PARP6: variants seen among roughly 807,000 people sequenced by gnomAD.
The protein encoded by PARP6 is protein mono-ADP-ribosyltransferase PARP6.
In PARP6, 27 loss-of-function variants were observed where a neutral mutation model predicts 92.0. The ratio of observed to expected loss-of-function variants is 0.29; its 90% CI spans 0.22 to 0.40. The LOEUF (loss-of-function observed/expected upper bound fraction) is 0.40. Ranked by LOEUF, PARP6 falls within the 10% of genes least tolerant of loss-of-function variation. The pLI is 1.00. For missense variants in PARP6, 501 were observed against 784.5 expected, an observed-to-expected ratio of 0.64 and a Z score of 4.32; for synonymous variants, 272 against 281.2, an observed-to-expected ratio of 0.97 and a Z score of 0.33.
chr15:72,261,834 T>C, intron 8 of PARP6, 127 bp from the exon 9 acceptor site: 1 of 853,468 alleles, frequency 1.2e-6, no homozygotes, highest in Non-Finnish European at 1.9e-6. Flanking sequence ...GGGGAATGTG[T>C]ATCTGAAGAC....
intron 18 of PARP6, chr15:72,250,422 C>T (rs1300236445): frequency 3.1e-6 from 1 of 325,610 alleles, no homozygotes; most frequent in Admixed American, 4.3e-5. Context: ...AAATTTATCA[C>T]TGACCCCAAA....
intron 8 of PARP6, among the ~76,000 whole-genome samples, chr15:72,262,736 GC>G (rs2086068094): frequency 6.6e-6 from 1 of 152,046 alleles, no homozygotes; most frequent in African/African-American, 2.4e-5. Context: ...CTGGCATCTG[GC>G]CCTCCTTGCA....
chr15:72,242,859 A>G lies in PARP6; in HGVS notation c.1562-160T>C. 1 of 597,594 alleles carries G rather than the reference A, an allele frequency of 1.7e-6. No individual in the cohort carries two copies. The highest frequency in any genetic ancestry group is 3.0e-6 in the Non-Finnish European group (1 of 335,834). The allele number at this position is 597,594 out of a possible 1,614,324, so 37.0% of individuals were successfully genotyped here. ...AGTCTGCTGGAAATTACAAGCAAGA[A>G]CAAGTAATTAACAACACAGCATGGT... On this transcript the variant is annotated intron_variant, in intron 20 of 23. Transcript: ENST00000569795. This position sits in a 1 kb window ranked among gnomAD's most constrained non-coding sequence, Gnocchi z 4.3.
At position 72,261,644 on chromosome 15, in the gene PARP6, C is replaced by T. The variant is rs1359502958; in HGVS notation, c.459G>A (p.Gln153=). ...TGAACCAACTGTGCCTCTTCTCCTG[C>T]TGGGTCTTCAAGAAATCATTGCTCA... The part of the protein sequence containing the change: ...KHLSNDFLKT[Q]QEKRHSWFKA... The change falls in exon 9 of 24, where the codon CAG becomes CAA. Residue 153 remains glutamine (Q), a synonymous_variant. Coordinates refer to ENST00000569795, the MANE Select transcript of PARP6 (RefSeq NM_001323532.2). 1 of 1,613,982 alleles carries T rather than the reference C, an allele frequency of 6.2e-7. No individual in the cohort carries two copies. The highest frequency in any genetic ancestry group is 1.7e-5 in the Admixed American group (1 of 60,024).
chr15:72,261,453 AG>A (rs2141045352), intron 9 of PARP6, 104 bp downstream of exon 9: 2 of 1,010,418 alleles, frequency 2.0e-6, no homozygotes, highest in Non-Finnish European at 3.0e-6. Flanking sequence ...TTAAAGAGAC[AG>A]AATTCAGGGA....
intron 8 of PARP6, among the ~76,000 whole-genome samples, chr15:72,263,598 G>A (rs2086178807): frequency 6.6e-6 from 1 of 152,000 alleles, no homozygotes. Context: ...CCCCCAGCTT[G>A]TATTTTACCA....
chr15:72,259,594 T>G lies in PARP6; in HGVS notation c.810+14A>C. Reference sequence around the variant, plus strand: ...CAGGGAAGGGCTTCGGAGTGACAATTTTGACTTGATTACCTGAACGAGGAA... The same window carrying G: ...CAGGGAAGGGCTTCGGAGTGACAATGTTGACTTGATTACCTGAACGAGGAA... On this transcript the variant is annotated intron_variant, in intron 11 of 23. Transcript: ENST00000569795. 6.2e-7 allele frequency: 1 copy of G among 1,613,426 alleles called. No homozygotes were observed. Among genetic ancestry groups the G allele is most frequent in the Non-Finnish European group, 8.5e-7 (1 of 1,179,450 alleles).
chr15:72,258,047 G>C lies in PARP6; in HGVS notation c.896C>G (p.Ser299Cys). ...CDEQHVFQNG[S>C]MLKPAVCTRE... ...AGTACGGTCCTATACCTTCAGCATA[G>C]ATCCATTTTGGAAGACATGCTGCTC... The change falls in exon 12 of 24, where the codon TCT becomes TGT. Residue 299 changes from serine to cysteine, a missense_variant. Coordinates refer to ENST00000569795, the MANE Select transcript of PARP6 (RefSeq NM_001323532.2). 1 of 1,611,220 alleles carries C rather than the reference G, an allele frequency of 6.2e-7. No individual in the cohort carries two copies.
Position 72,260,534 on chromosome 15 carries a change from C to T in PARP6, c.700G>A (p.Gly234Ser), listed in dbSNP as rs763044756. The T allele has an allele frequency of 6.2e-7, 1 of 1,614,232 alleles. No individual in the cohort carries two copies. The highest frequency in any genetic ancestry group is 1.1e-5 in the South Asian group (1 of 91,084). The change falls in exon 10 of 24, where the codon GGT (glycine) becomes AGT (serine). Residue 234 changes from glycine (G) to serine (S), a missense_variant. Around this residue, in one of 4 missense-constraint regions of PARP6, gnomAD observed 291 missense variants for 352.0 expected, o/e 0.83. Transcript: ENST00000569795. ...CCCACGTGCTGAGGGCACAGGAGAC[C>T]TGCCTGGGGGCTGGGAGGGTAGCCA... ...VFGYPPSPQAGLLCPQHVGLP... is the reference protein window; with the variant it reads ...VFGYPPSPQASLLCPQHVGLP...
chr15:72,249,086 A>C (rs937823026), intron 20 of PARP6, 159 bp downstream of exon 20: 17 of 425,024 alleles, frequency 4.0e-5, no homozygotes, highest in African/African-American at 2.4e-4. Flanking sequence ...AATTTCTAAT[A>C]AGAAAATGTA....
chr15:72,256,330 G>C (rs1479426179), intron 14 of PARP6, 135 bp downstream of exon 14: 1 of 635,616 alleles, frequency 1.6e-6, no homozygotes, highest in Non-Finnish European at 2.3e-6. Context: ...TTTATTTACT[G>C]AAACAGCTAA....
intron 1 of PARP6, 92 bp from the exon 2 acceptor site, chr15:72,271,379 G>T (rs1332814541): frequency 6.6e-6 from 1 of 152,208 alleles, no homozygotes; most frequent in Non-Finnish European, 1.5e-5. Flanking sequence ...AAACCAGGCT[G>T]CTTTAGTGAA....
chr15:72,251,388 T>C (rs2084331944), intron 16 of PARP6, 133 bp from the exon 17 acceptor site: 1 of 585,364 alleles, frequency 1.7e-6, no homozygotes, highest in Non-Finnish European at 3.0e-6. Context: ...TTGTGTGAAA[T>C]GTCAAGGTCA....
chr15:72,247,991 G>C (rs1162052714), intron 20 of PARP6, among the ~76,000 whole-genome samples: 1 of 151,996 alleles, frequency 6.6e-6, no homozygotes, highest in Non-Finnish European at 1.5e-5. Flanking sequence ...GGCTGGTCTT[G>C]AACTCCTGAC....
intron 10 of PARP6, among the ~76,000 whole-genome samples, chr15:72,259,901 A>G (rs2085630581): frequency 6.6e-6 from 1 of 152,230 alleles, no homozygotes; most frequent in Non-Finnish European, 1.5e-5. Flanking sequence ...AGTTAACTAC[A>G]GTCCTACTCA....
At chr15:72,257,598 C>T (rs2085304477) in intron 12 of PARP6, among the ~76,000 whole-genome samples, 158 bp from the exon 13 acceptor site, 1 of 152,186 alleles carries the variant, frequency 6.6e-6, no homozygotes, top group South Asian at 2.1e-4. Flanking sequence ...AATTAAAATG[C>T]CTTACTGATA....
Position 72,261,577 on chromosome 15 carries a change from T to C in PARP6, c.526A>G (p.Ile176Val), listed in dbSNP as rs779144521. Residue 176 changes from isoleucine (I) to valine (V), a missense_variant, in exon 9 of 24, where the codon ATC (isoleucine) becomes GTC (valine). Physicochemically the swap from Ile to Val is conservative, Grantham distance 29 (BLOSUM62 3). Coordinates refer to ENST00000569795, the MANE Select transcript of PARP6 (RefSeq NM_001323532.2). ...ACTTACTTGGGGATGGGTGAAAAGA[T>C]GCTGAGGCCAGCTCGGAACTTCTTG... is the stretch of plus-strand genomic sequence containing the variant. ...TIKKFRAGLS[I>V]FSPIPKSPSF... is the part of the protein sequence containing the mutation. 2.6e-5 allele frequency: 42 copies of C among 1,614,046 alleles called. No individual in the cohort carries two copies. The highest frequency in any genetic ancestry group is 3.3e-5 in the Admixed American group (2 of 59,998).
chr15:72,266,797 T>C lies in PARP6; in HGVS notation c.29A>G (p.Asp10Gly). MDIKGQFWN[D>G]DDSEGDNESE... ...TTCATTATCTCCCTCCGAGTCGTCA[T>C]CATTCCAGAACTGGCCTTTGATGTC... Residue 10 changes from aspartate to glycine, a missense_variant, in exon 4 of 24, where the codon GAT (aspartate) becomes GGT (glycine). Around this residue, in one of 4 missense-constraint regions of PARP6, gnomAD observed 291 missense variants for 352.0 expected, o/e 0.83. Transcript: ENST00000569795. 1.2e-6 allele frequency: 2 copies of C among 1,614,098 alleles called. No homozygotes were observed. Among genetic ancestry groups the C allele is most frequent in the South Asian group, 1.1e-5 (1 of 91,084 alleles).
intron 2 of PARP6, among the ~76,000 whole-genome samples, chr15:72,268,452 A>C (rs2086896660): frequency 6.6e-6 from 1 of 152,240 alleles, no homozygotes. Context: ...ACAATAGCTA[A>C]CTTAAAAAGT....
Sources: gnomAD v4.1 joint callset for allele counts (sites outside exome capture counted in the v4.1 genomes callset) on GRCh38, gnomAD v4.1.1 for gene constraint, gnomAD v4.1.1 regional missense constraint, Gnocchi (gnomAD v3.1) non-coding constraint, MANE v1.5 for transcripts, NCBI Gene and HGNC (gene_info 2026-07-23, HGNC 2026-07-21) for gene names.